Variants in ZNF616 observed in about 807,000 individuals in gnomAD.
ZNF616 encodes zinc finger protein 616.
In ZNF616, 5 loss-of-function variants were observed where a neutral mutation model predicts 7.6. The ratio of observed to expected loss-of-function variants is 0.66; its 90% CI spans 0.34 to 1.38. The LOEUF (loss-of-function observed/expected upper bound fraction) is 1.38, where lower values mean the gene tolerates loss of function less well. Among genes scored for constraint, ZNF616 ranks in the 40% most tolerant of loss-of-function variants. ZNF616 has a pLI of 0.04. For missense variants in ZNF616, 913 were observed against 948.3 expected, an observed-to-expected ratio of 0.96 and a Z score of 0.49; for synonymous variants, 319 against 317.2, an observed-to-expected ratio of 1.01 and a Z score of -0.06.
At chr19:52,129,650 G>A (rs891695930) in intron 2 of ZNF616, among the ~76,000 whole-genome samples, 1 of 152,092 alleles carries the variant, frequency 6.6e-6, no homozygotes, top group Admixed American at 6.5e-5. Context: ...AATAAAACAC[G>A]CTCTAATGTC....
intron 2 of ZNF616, among the ~76,000 whole-genome samples, chr19:52,126,027 T>C (rs1050766336): frequency 2.0e-5 from 3 of 152,090 alleles, no homozygotes; most frequent in Non-Finnish European, 4.4e-5. Flanking sequence ...CTCCAGAATC[T>C]AGGGTAGTTG....
Position 52,116,414 on chromosome 19 carries a change from G to A in ZNF616, c.750C>T (p.Phe250=), listed in dbSNP as rs745984351. The change falls in exon 4 of 4, where the codon TTC becomes TTT. Residue 250 remains phenylalanine, a synonymous_variant. Coordinates refer to ENST00000600228, the MANE Select transcript of ZNF616 (RefSeq NM_178523.5). ...GTCTTACAAAATATGAATTTTTTCT[G>A]AAGATCTTGCCACATACATCACATT... The part of the protein sequence containing the change: ...SYQCDVCGKI[F]RKNSYFVRHQ... 2 of 1,614,032 alleles carry A rather than the reference G, an allele frequency of 1.2e-6. No homozygotes were observed. Among genetic ancestry groups the A allele is most frequent in the Admixed American group, 1.7e-5 (1 of 60,006 alleles).
At chr19:52,127,072 T>TA (rs2088915329) in intron 2 of ZNF616, among the ~76,000 whole-genome samples, 1 of 151,936 alleles carries the variant, frequency 6.6e-6, no homozygotes, top group Admixed American at 6.6e-5. Flanking sequence ...TTTTTTTTTT[T>TA]AGAAGACAGA....
chr19:52,116,083 C>A lies in ZNF616; in HGVS notation c.1081G>T (p.Ala361Ser). The part of the protein sequence containing the change: ...KPYKCDVCGK[A>S]FRHRSNLVCH... ...ACAAGATTTGATCTATGTCTGAATGCCTTGCCACATACATCACATTTATAT... is the reference window on the plus strand; with the variant it reads ...ACAAGATTTGATCTATGTCTGAATGACTTGCCACATACATCACATTTATAT... Residue 361 changes from alanine to serine, a missense_variant, in exon 4 of 4, where the codon GCA (alanine) becomes TCA (serine). Transcript: ENST00000600228. 1 of 1,614,168 alleles carries A rather than the reference C, an allele frequency of 6.2e-7. No individual in the cohort carries two copies.
intron 1 of ZNF616, among the ~76,000 whole-genome samples, chr19:52,131,597 A>C (rs1275796796): frequency 2.6e-5 from 4 of 152,196 alleles, no homozygotes; most frequent in African/African-American, 9.7e-5. Flanking sequence ...GAATCAGACA[A>C]CACCTCATTC....
intron 3 of ZNF616, among the ~76,000 whole-genome samples, chr19:52,118,348 A>G (rs1023200899): frequency 6.6e-6 from 1 of 152,184 alleles, no homozygotes; most frequent in Non-Finnish European, 1.5e-5. Flanking sequence ...AAAGACAACA[A>G]ACACTGTTTG....
intron 1 of ZNF616, among the ~76,000 whole-genome samples, chr19:52,136,032 A>T (rs1037137339): frequency 1.3e-5 from 2 of 148,926 alleles, no homozygotes; most frequent in African/African-American, 2.5e-5. Flanking sequence ...TGTGAGGCTG[A>T]GGCATGAGAC....
Position 52,123,945 on chromosome 19 carries a change from G to C in ZNF616, c.117C>G (p.Asn39Lys). 1 of 1,614,036 alleles carries C rather than the reference G, an allele frequency of 6.2e-7. No individual in the cohort carries two copies. ...CACCTAGGAAGACCAGGTTCCTATA[G>C]TTCTCCAACATCACATCCTTGTACA... ...KALYKDVMLE[N>K]YRNLVFLGIS... The change falls in exon 3 of 4, where the codon AAC becomes AAG. Residue 39 changes from asparagine (N) to lysine (K), a missense_variant. Physicochemically the swap from Asn to Lys is moderately conservative, Grantham distance 94. Transcript: ENST00000600228.
chr19:52,129,547 C>T (rs566122839), intron 2 of ZNF616, among the ~76,000 whole-genome samples: 5 of 152,194 alleles, frequency 3.3e-5, no homozygotes, highest in African/African-American at 9.6e-5. Context: ...TAAGAGTCCC[C>T]GCAGGAACAC....
At chr19:52,126,967 C>CA (rs1390937577) in intron 2 of ZNF616, among the ~76,000 whole-genome samples, 5 of 151,706 alleles carry the variant, frequency 3.3e-5, no homozygotes, top group Non-Finnish European at 7.4e-5. Flanking sequence ...CAAAGACTGA[C>CA]AAACTCGATT....
chr19:52,125,988 C>A (rs998110122), intron 2 of ZNF616, among the ~76,000 whole-genome samples: 2 of 152,042 alleles, frequency 1.3e-5, no homozygotes, highest in African/African-American at 4.8e-5. Context: ...AGATGACAAG[C>A]AAAGGCCCAG....
At position 52,115,940 on chromosome 19, in the gene ZNF616, A is replaced by G; in HGVS notation, c.1224T>C (p.Pro408=). The change falls in exon 4 of 4, where the codon CCT becomes CCC. Residue 408 remains proline, a synonymous_variant. Coordinates refer to ENST00000600228, the MANE Select transcript of ZNF616 (RefSeq NM_178523.5). ...VHRRIHTVEK[P]CKCNECGKVF... ...CCTTGCCACATTCATTGCATTTGCA[A>G]GGTTTCTCTACAGTGTGAATTCGTC... 6.2e-7 allele frequency: 1 copy of G among 1,612,602 alleles called. No homozygotes were observed. The highest frequency in any genetic ancestry group is 1.1e-5 in the South Asian group (1 of 90,952).
rs138533991 is a variant in ZNF616, at chr19:52,135,044, G to A, written c.-76-4456C>T. 3.4e-3 allele frequency among the ~76,000 whole-genome samples: 512 copies of A among 152,148 alleles called. 16 individuals are homozygous for A. The highest frequency in any genetic ancestry group is 0.025 in the Admixed American group (389 of 15,272). ...GTGATATCATATTCTCTGATTCTTTGAAAAATCTTCCCTAAGCCACCATCC... is the reference window on the plus strand; with the variant it reads ...GTGATATCATATTCTCTGATTCTTTAAAAAATCTTCCCTAAGCCACCATCC... On this transcript the variant is annotated intron_variant, in intron 1 of 3. Transcript: ENST00000600228.
At chr19:52,132,966 G>A (rs2122170305) in intron 1 of ZNF616, among the ~76,000 whole-genome samples, 1 of 152,272 alleles carries the variant, frequency 6.6e-6, no homozygotes, top group Middle Eastern at 3.4e-3. Context: ...CAGCAGCAGA[G>A]GAAAATGGTC....
At chr19:52,128,347 G>A (rs10405894) in intron 2 of ZNF616, among the ~76,000 whole-genome samples, 15,517 of 152,102 alleles carry the variant, frequency 0.1, 2,470 homozygotes, top group African/African-American at 0.34. Flanking sequence ...TCTTTGCTCA[G>A]TTTTCCTTTA....
intron 1 of ZNF616, among the ~76,000 whole-genome samples, chr19:52,134,868 G>A (rs2088994192): frequency 6.6e-6 from 1 of 152,104 alleles, no homozygotes; most frequent in Admixed American, 6.5e-5. Flanking sequence ...GTTCCACACT[G>A]AGTTTAAAGC....
chr19:52,132,428 C>T (rs184274042), intron 1 of ZNF616, among the ~76,000 whole-genome samples: 1,524 of 152,166 alleles, frequency 0.01, 10 homozygotes, highest in South Asian at 0.019. Flanking sequence ...TATGGATCAG[C>T]TCTGTGTCCC....
At position 52,116,445 on chromosome 19, in the gene ZNF616, G is replaced by T. The variant is rs747017131; in HGVS notation, c.719C>A (p.Ser240Ter). 6.2e-7 allele frequency: 1 copy of T among 1,614,022 alleles called. No individual in the cohort carries two copies. The highest frequency in any genetic ancestry group is 1.3e-5 in the African/African-American group (1 of 75,028). The part of the protein sequence containing the change: ...VHKVVHTRGK[S>*]YQCDVCGKIF... ...CTTGCCACATACATCACATTGATATGATTTCCCTCTTGTATGGACTACCTT... is the reference window on the plus strand; with the variant it reads ...CTTGCCACATACATCACATTGATATTATTTCCCTCTTGTATGGACTACCTT... The change falls in exon 4 of 4, where the codon TCA becomes TAA. Residue 240 changes from serine (S) to a stop codon, truncating the protein, a stop_gained. Transcript: ENST00000600228. LOFTEE classifies it low-confidence loss of function (END_TRUNC).
intron 1 of ZNF616, among the ~76,000 whole-genome samples, chr19:52,132,722 C>T (rs1480249094): frequency 6.6e-5 from 10 of 152,160 alleles, no homozygotes; most frequent in Admixed American, 6.5e-4. Flanking sequence ...GCAGATGTTG[C>T]CATGCTTCCT....
Sources: allele counts gnomAD v4.1 joint callset (sites outside exome capture counted in the v4.1 genomes callset), GRCh38; gene constraint gnomAD v4.1.1; transcripts MANE v1.5; gene names NCBI Gene and HGNC (gene_info 2026-07-23, HGNC 2026-07-21).